The following DZIP1L variants were observed in gnomAD, a reference collection of about 807,000 sequenced individuals.
DZIP1L encodes the protein cilium assembly protein DZIP1L.
DZIP1L carries 90 observed loss-of-function variants against 88.7 expected under a neutral mutation model. The ratio of observed to expected loss-of-function variants is 1.02; its 90% CI spans 0.86 to 1.21. The LOEUF is 1.21. DZIP1L is among the 50% of genes most tolerant of loss of function. The pLI, the probability that DZIP1L is intolerant of heterozygous loss-of-function variation, is 0.00. For synonymous variants in DZIP1L, 363 were observed against 372.1 expected (o/e 0.98, Z 0.28); for missense variants, 932 against 955.8 (o/e 0.98, Z 0.33).
intron 1 of DZIP1L, chr3:138,112,394 G>A (rs1217717042): frequency 6.6e-6 from 1 of 152,156 alleles, no homozygotes; most frequent in Non-Finnish European, 1.5e-5. Context: ...TGCAAGCGCT[G>A]ACAGAGTTTA....
chr3:138,107,288 AG>A (rs2042523094), intron 1 of DZIP1L, among the ~76,000 whole-genome samples: 1 of 152,196 alleles, frequency 6.6e-6, no homozygotes, highest in Non-Finnish European at 1.5e-5. Flanking sequence ...TCATTATTGT[AG>A]GAGTGGGTTA....
chr3:138,076,124 C>T (rs1217823073), intron 11 of DZIP1L, among the ~76,000 whole-genome samples: 1 of 152,172 alleles, frequency 6.6e-6, no homozygotes, highest in African/African-American at 2.4e-5. Context: ...GGACTCCAGA[C>T]TGTCCTTAAA....
chr3:138,105,699 G>A (rs1559863799), intron 1 of DZIP1L, among the ~76,000 whole-genome samples: 1 of 151,762 alleles, frequency 6.6e-6, no homozygotes, highest in Non-Finnish European at 1.5e-5. Flanking sequence ...ATCTGTGGAT[G>A]CAGATCCACA....
rs1311178631 is a variant in DZIP1L, at chr3:138,071,821, G to A, written c.1437C>T (p.Ile479=). Residue 479 remains isoleucine (I), a synonymous_variant, in exon 12 of 16, where the codon ATC becomes ATT. Coordinates refer to ENST00000327532, the MANE Select transcript of DZIP1L (RefSeq NM_173543.3). ...SMGIRKDAKG[I]SIQTLRHLES... is the part of the protein sequence containing the mutation. ...CCAGGTGTCTGAGAGTCTGAATCGA[G>A]ATTCCCTTTGCATCCTAGAGGAGAC... The A allele has an allele frequency of 1.2e-6, 2 of 1,613,328 alleles. No individual in the cohort carries two copies. The highest frequency in any genetic ancestry group is 2.2e-5 in the East Asian group (1 of 44,876).
At chr3:138,099,360 T>C (rs1216703690) in intron 2 of DZIP1L, among the ~76,000 whole-genome samples, 1 of 152,224 alleles carries the variant, frequency 6.6e-6, no homozygotes, top group Non-Finnish European at 1.5e-5. Context: ...ATTTTATGTG[T>C]GGCCCAAAAC....
Position 138,071,656 on chromosome 3 carries a change from G to A in DZIP1L, c.1602C>T (p.Asp534=), listed in dbSNP as rs147166319. The change falls in exon 12 of 16, where the codon GAC becomes GAT. Residue 534 remains aspartate (D), a synonymous_variant. Transcript: ENST00000327532. ...TCCCCAGTGTACCTGAAGGCTGCCC[G>A]TCTGGCTGGGACACCACAGCGCCAT... ...QENGAVVSQP[D]GQPSVKSQQS... 46 of 1,613,048 alleles carry A rather than the reference G, an allele frequency of 2.9e-5. No homozygotes were observed. Among genetic ancestry groups the A allele is most frequent in the South Asian group, 1.6e-4 (15 of 90,946 alleles).
chr3:138,087,766 G>C (rs1014822762), intron 6 of DZIP1L, among the ~76,000 whole-genome samples: 7 of 152,164 alleles, frequency 4.6e-5, no homozygotes, highest in Non-Finnish European at 8.8e-5. Flanking sequence ...TTTAACACCT[G>C]TACCAACTAC....
At chr3:138,106,606 G>T (rs1456125242) in intron 1 of DZIP1L, among the ~76,000 whole-genome samples, 1 of 151,686 alleles carries the variant, frequency 6.6e-6, no homozygotes. Context: ...GGCCAAGGTG[G>T]GTGGATCACG....
intron 8 of DZIP1L, among the ~76,000 whole-genome samples, chr3:138,082,024 C>A (rs931488044): frequency 6.6e-6 from 1 of 152,206 alleles, no homozygotes; most frequent in Admixed American, 6.5e-5. Context: ...AAGAATTATG[C>A]CTCGAGGGCA....
intron 14 of DZIP1L, among the ~76,000 whole-genome samples, chr3:138,065,667 G>A (rs1942860799): frequency 6.6e-6 from 1 of 152,206 alleles, no homozygotes; most frequent in Admixed American, 6.5e-5. Context: ...GGCTTATGCT[G>A]TAAACATGGC....
At chr3:138,105,142 T>C (rs575234771) in intron 1 of DZIP1L, among the ~76,000 whole-genome samples, 2 of 152,286 alleles carry the variant, frequency 1.3e-5, no homozygotes, top group East Asian at 1.9e-4. Flanking sequence ...AAAATAGGCA[T>C]ATATACCTCT....
intron 14 of DZIP1L, among the ~76,000 whole-genome samples, chr3:138,065,997 T>C (rs1294486230): frequency 6.6e-6 from 1 of 152,222 alleles, no homozygotes. Flanking sequence ...TTAGCTCAGG[T>C]CTCTACAATG....
At chr3:138,109,901 T>C (rs745749401) in intron 1 of DZIP1L, among the ~76,000 whole-genome samples, 9 of 151,716 alleles carry the variant, frequency 5.9e-5, no homozygotes, top group Non-Finnish European at 1.0e-4. Context: ...TAAGTGGGAG[T>C]TGAACAATGA....
Position 138,071,770 on chromosome 3 carries a change from C to T in DZIP1L, c.1488G>A (p.Glu496=), listed in dbSNP as rs1010905067. 5.6e-6 allele frequency: 9 copies of T among 1,614,116 alleles called. No individual in the cohort carries two copies. Among genetic ancestry groups the T allele is most frequent in the Non-Finnish European group, 6.8e-6 (8 of 1,180,052 alleles). Residue 496 remains glutamate, a synonymous_variant, in exon 12 of 16, where the codon GAG becomes GAA. Coordinates refer to ENST00000327532, the MANE Select transcript of DZIP1L (RefSeq NM_173543.3). ...ATTCAGAAAACTTCCGGGCCTTCTG[C>T]TCCCGCTGGACTCTCAGCAGGGATT... ...HLESLLRVQR[E]QKARKFSEFL... is the part of the protein sequence containing the mutation.
At chr3:138,105,371 T>C (rs2042452263) in intron 1 of DZIP1L, among the ~76,000 whole-genome samples, 1 of 151,730 alleles carries the variant, frequency 6.6e-6, no homozygotes, top group Non-Finnish European at 1.5e-5. Context: ...TATAAATATA[T>C]ATATATATAC....
chr3:138,112,652 A>G (rs1458731878), intron 1 of DZIP1L, among the ~76,000 whole-genome samples: 1 of 152,222 alleles, frequency 6.6e-6, no homozygotes, highest in Non-Finnish European at 1.5e-5. Context: ...CAAGGAAGAA[A>G]TGACTCACTG....
Position 138,063,243 on chromosome 3 carries a change from TG to T in DZIP1L, c.2143-267del, listed in dbSNP as rs377506238. Among the ~76,000 whole-genome samples, 323 of 152,338 alleles carry T rather than the reference TG, an allele frequency of 2.1e-3. 1 individual carries two copies. The highest frequency in any genetic ancestry group is 7.1e-3 in the African/African-American group (297 of 41,576). On this transcript the variant is annotated intron_variant, in intron 15 of 15. Coordinates refer to ENST00000327532, the MANE Select transcript of DZIP1L (RefSeq NM_173543.3). This position sits in a 1 kb window ranked among gnomAD's most constrained non-coding sequence, Gnocchi z 4.1. ...CAGGCAAGTGCCTTGGAAAGGCCTA[TG>T]TGCAGAGAAGGTTGCTCTCATTTTC... is the stretch of plus-strand genomic sequence containing the variant.
At chr3:138,108,185 T>C in intron 1 of DZIP1L, 1 of 985,106 alleles carries the variant, frequency 1.0e-6, no homozygotes, top group Non-Finnish European at 1.2e-6. Context: ...GGTGACATGA[T>C]ACTCACCATG....
chr3:138,102,431 C>T (rs1186025644), intron 2 of DZIP1L: 9 of 1,431,200 alleles, frequency 6.3e-6, no homozygotes, highest in Non-Finnish European at 7.8e-6. Flanking sequence ...CCAAGCTCTG[C>T]CTTCAGCTTC....
Sources: gnomAD v4.1 joint callset for allele counts (sites outside exome capture counted in the v4.1 genomes callset) on GRCh38, gnomAD v4.1.1 for gene constraint, Gnocchi (gnomAD v3.1) non-coding constraint, MANE v1.5 for transcripts, NCBI Gene and HGNC (gene_info 2026-07-23, HGNC 2026-07-21) for gene names.